The following RBFOX3 variants were observed in gnomAD, a reference collection of about 807,000 sequenced individuals.
RBFOX3 encodes RNA binding protein fox-1 homolog 3.
Under a neutral mutation model 48.7 loss-of-function variants are expected in RBFOX3, and 17 were observed. The observed-to-expected ratio is 0.35, with a 90% CI of 0.24 to 0.52. The LOEUF (loss-of-function observed/expected upper bound fraction) is 0.52, where lower values mean the gene tolerates loss of function less well. Among genes scored for constraint, RBFOX3 ranks in the 20% least tolerant of loss-of-function variants. The pLI, the probability that RBFOX3 is intolerant of heterozygous loss-of-function variation, is 0.94. For missense variants in RBFOX3, 382 were observed against 497.5 expected (o/e 0.77, Z 2.21); for synonymous variants, 212 against 209.5 (o/e 1.01, Z -0.10).
intron 2 of RBFOX3, among the ~76,000 whole-genome samples, chr17:79,377,893 G>C (rs1858208371): frequency 6.6e-6 from 1 of 152,150 alleles, no homozygotes; most frequent in Non-Finnish European, 1.5e-5. Flanking sequence ...CTAGAGAGGG[G>C]GCAGGGCATA....
chr17:79,560,737 C>G, intron 1 of RBFOX3, among the ~76,000 whole-genome samples: 1 of 152,348 alleles, frequency 6.6e-6, no homozygotes, highest in South Asian at 2.1e-4. Context: ...CCCCCACCCA[C>G]TTCCCCACCC....
intron 6 of RBFOX3, among the ~76,000 whole-genome samples, chr17:79,106,095 A>G (rs533759852): frequency 6.6e-6 from 1 of 152,264 alleles, no homozygotes; most frequent in African/African-American, 2.4e-5. Context: ...TTCACTTCCC[A>G]TTGACTGTGC....
At chr17:79,563,233 AC>A (rs1445475060) in intron 1 of RBFOX3, among the ~76,000 whole-genome samples, 42 of 145,754 alleles carry the variant, frequency 2.9e-4, no homozygotes, top group African/African-American at 9.3e-4. Context: ...AAAAAAAAAA[AC>A]AAAAAAACAA....
intron 2 of RBFOX3, among the ~76,000 whole-genome samples, chr17:79,417,798 T>C (rs751271932): frequency 6.6e-6 from 1 of 152,242 alleles, no homozygotes; most frequent in Non-Finnish European, 1.5e-5. Flanking sequence ...TCACTCTCAA[T>C]AGCCACACGG....
chr17:79,611,169 T>TCTCTCTCTCTCTCTCTCTCTCTCG, upstream of RBFOX3, among the ~76,000 whole-genome samples: 330 of 25,918 alleles, frequency 0.013, 88 homozygotes, highest in Middle Eastern at 0.042. Flanking sequence ...TCTCTCTCTC[T>TCTCTCTCTCTCTCTCTCTCTCTCG]CTCTCCGCCC....
chr17:79,175,726 G>A (rs1256275031), intron 4 of RBFOX3, among the ~76,000 whole-genome samples: 1 of 152,252 alleles, frequency 6.6e-6, no homozygotes, highest in Non-Finnish European at 1.5e-5. Context: ...CGGCTCTTGG[G>A]GTGGCGCCTC....
At chr17:79,176,572 CCTT>C (rs2050593180) in intron 4 of RBFOX3, among the ~76,000 whole-genome samples, 1 of 152,238 alleles carries the variant, frequency 6.6e-6, no homozygotes, top group Non-Finnish European at 1.5e-5. Flanking sequence ...CGGAGTCAGT[CCTT>C]CTGGTCTCGA....
intron 4 of RBFOX3, among the ~76,000 whole-genome samples, chr17:79,132,350 C>T (rs969678561): frequency 6.6e-6 from 1 of 152,154 alleles, no homozygotes; most frequent in African/African-American, 2.4e-5. Context: ...GCGACGCGGG[C>T]CAATCACTGC....
At chr17:79,175,840 A>G (rs1305063455) in intron 4 of RBFOX3, among the ~76,000 whole-genome samples, 2 of 152,212 alleles carry the variant, frequency 1.3e-5, no homozygotes, top group Non-Finnish European at 2.9e-5. Flanking sequence ...CTCTCTGGAG[A>G]GAAGATGTAA....
the RBFOX3 span, among the ~76,000 whole-genome samples, chr17:79,619,423 CA>C: frequency 2.0e-5 from 3 of 152,318 alleles, no homozygotes; most frequent in Non-Finnish European, 2.9e-5. Flanking sequence ...TCCTGGGGGC[CA>C]GGGGCAATCC....
At chr17:79,155,819 C>T (rs556612911) in intron 4 of RBFOX3, among the ~76,000 whole-genome samples, 2 of 152,302 alleles carry the variant, frequency 1.3e-5, no homozygotes, top group African/African-American at 4.8e-5. Context: ...GTTGGAGGCA[C>T]CCCAGACGCA....
chr17:79,228,140 G>A (rs146335977), intron 4 of RBFOX3, among the ~76,000 whole-genome samples: 10 of 152,270 alleles, frequency 6.6e-5, no homozygotes, highest in African/African-American at 1.2e-4. Context: ...GGTCTCTCTC[G>A]TCACCTGTTC....
At chr17:79,219,697 C>G (rs1247525658) in intron 4 of RBFOX3, among the ~76,000 whole-genome samples, 1 of 152,084 alleles carries the variant, frequency 6.6e-6, no homozygotes, top group Non-Finnish European at 1.5e-5. Flanking sequence ...TGTCTGGGCT[C>G]AGAGCTCCGG....
intron 14 of RBFOX3, among the ~76,000 whole-genome samples, chr17:79,091,172 C>T (rs551310145): frequency 6.6e-5 from 10 of 152,266 alleles, no homozygotes; most frequent in Admixed American, 1.3e-4. Context: ...GGCTTCGAGG[C>T]GGCCTGGATG....
chr17:79,644,216 A>G, the RBFOX3 span, among the ~76,000 whole-genome samples: 1 of 152,206 alleles, frequency 6.6e-6, no homozygotes, highest in Non-Finnish European at 1.5e-5. Context: ...AAAAAATTTC[A>G]GGTCCAGGTG....
At chr17:79,203,668 T>C (rs963928633) in intron 4 of RBFOX3, among the ~76,000 whole-genome samples, 1 of 151,750 alleles carries the variant, frequency 6.6e-6, no homozygotes, top group African/African-American at 2.4e-5. Flanking sequence ...TTGGATTTAT[T>C]AATGGACTTA....
chr17:79,323,636 G>A (rs768305600), intron 2 of RBFOX3, among the ~76,000 whole-genome samples: 1 of 152,080 alleles, frequency 6.6e-6, no homozygotes, highest in East Asian at 1.9e-4. Flanking sequence ...CTGCAGCGGG[G>A]GCTCGGTCCT....
At chr17:79,356,016 T>A (rs1034757638) in intron 2 of RBFOX3, among the ~76,000 whole-genome samples, 4 of 152,166 alleles carry the variant, frequency 2.6e-5, no homozygotes, top group Non-Finnish European at 5.9e-5. Flanking sequence ...TAACTCCAAA[T>A]ATCACTGCGT....
chr17:79,431,682 A>G (rs2068489407), intron 2 of RBFOX3, among the ~76,000 whole-genome samples: 1 of 151,970 alleles, frequency 6.6e-6, no homozygotes, highest in African/African-American at 2.4e-5. Context: ...ACAGGGTTTC[A>G]CCATGTTGGC....
Sources: allele counts gnomAD v4.1 joint callset (sites outside exome capture counted in the v4.1 genomes callset), GRCh38; gene constraint gnomAD v4.1.1; transcripts MANE v1.5; gene names NCBI Gene and HGNC (gene_info 2026-07-23, HGNC 2026-07-21).